ASB18: variants seen among roughly 807,000 people sequenced by gnomAD.
The protein encoded by ASB18 is ankyrin repeat and SOCS box protein 18.
Under a neutral mutation model 33.4 loss-of-function variants are expected in ASB18, and 33 were observed. The observed-to-expected ratio is 0.99, with a 90% CI of 0.75 to 1.32. The LOEUF (loss-of-function observed/expected upper bound fraction) is 1.32, where lower values mean the gene tolerates loss of function less well. Ranked by LOEUF, ASB18 falls within the 40% of genes most tolerant of loss-of-function variation. The pLI is 0.00. For missense variants in ASB18, 694 were observed against 655.5 expected (o/e 1.06, Z -0.64); for synonymous variants, 295 against 307.6 (o/e 0.96, Z 0.43).
rs920774061 is a variant in ASB18 at position 236,200,969 on chromosome 2, A to C, written c.1102-4584T>G. On this transcript the variant is annotated intron_variant, in intron 4 of 5. Transcript: ENST00000409749. The surrounding 1 kb of genome is among the most constrained non-coding windows in gnomAD (Gnocchi z 4.2). Reference sequence around the variant, plus strand: ...CTTAGGTATGTTTTGTTTGTCTTTCATGCTCCTTGGATTGACTGCTCAGTT... The same window carrying C: ...CTTAGGTATGTTTTGTTTGTCTTTCCTGCTCCTTGGATTGACTGCTCAGTT... Among the ~76,000 whole-genome samples the C allele has an allele frequency of 6.6e-6, 1 of 152,006 alleles. No homozygotes were observed. The highest frequency in any genetic ancestry group is 2.4e-5 in the African/African-American group (1 of 41,376).
In ASB18 at chr2:236,234,516, A is replaced by G. The variant is rs1401652617; in HGVS notation, c.596+3173T>C. Among the ~76,000 whole-genome samples the G allele has an allele frequency of 6.6e-6, 1 of 152,238 alleles. No homozygotes were observed. Among genetic ancestry groups the G allele is most frequent in the African/African-American group, 2.4e-5 (1 of 41,464 alleles). On this transcript the variant is annotated intron_variant, in intron 3 of 5. Transcript: ENST00000409749. The surrounding 1 kb of genome is among the most constrained non-coding windows in gnomAD (Gnocchi z 4.1). ...CTGGCTACTCTTCCTTTCACTCTTTATATAATAGAGTGGCTCCTCACGTCT... is the reference window on the plus strand; with the variant it reads ...CTGGCTACTCTTCCTTTCACTCTTTGTATAATAGAGTGGCTCCTCACGTCT...
rs1427004193 is a variant in ASB18, at chr2:236,259,018, T to C, written c.205+5123A>G. On this transcript the variant is annotated intron_variant, in intron 1 of 5. Transcript: ENST00000409749. This position sits in a 1 kb window ranked among gnomAD's most constrained non-coding sequence, Gnocchi z 4.4. ...CGTTTGATTACACCAGTTACCAAAT[T>C]GTACAGTTGATGCATTTGGGGGGCG... Among the ~76,000 whole-genome samples, 1 of 152,194 alleles carries C rather than the reference T, an allele frequency of 6.6e-6. No individual in the cohort carries two copies. The highest frequency in any genetic ancestry group is 1.5e-5 in the Non-Finnish European group (1 of 68,026).
At chr2:236,247,802 A>G (rs1576410680) in intron 1 of ASB18, 1 of 152,244 alleles carries the variant, frequency 6.6e-6, no homozygotes, top group African/African-American at 2.4e-5. Flanking sequence ...GTGATAAAAC[A>G]AAAGAAGGAC....
chr2:236,203,808 A>C lies in ASB18; in HGVS notation c.1102-7423T>G, dbSNP rs11679598. The stretch of plus-strand genomic sequence containing the variant: ...CTTGAGCCTGGAAGGTCGACGCTGC[A>C]GTGAGCTATGATTGCACTGCTGCAC... On this transcript the variant is annotated intron_variant, in intron 4 of 5. Coordinates refer to ENST00000409749, the MANE Select transcript of ASB18 (RefSeq NM_212556.4). The surrounding 1 kb of genome is among the most constrained non-coding windows in gnomAD (Gnocchi z 6.0). Among the ~76,000 whole-genome samples, 26,101 of 152,050 alleles carry C rather than the reference A, an allele frequency of 0.17. 2,251 individuals are homozygous for C. Among genetic ancestry groups the C allele is most frequent in the South Asian group, 0.25 (1,195 of 4,812 alleles).
In ASB18 at chr2:236,264,224, G is replaced by T; in HGVS notation, c.122C>A (p.Thr41Lys). 6.2e-7 allele frequency: 1 copy of T among 1,613,908 alleles called. No individual in the cohort carries two copies. Among genetic ancestry groups the T allele is most frequent in the Non-Finnish European group, 8.5e-7 (1 of 1,179,870 alleles). Reference protein sequence around the residue: ...RVRDLICTEITPVDAVIELAN... With the variant: ...RVRDLICTEIKPVDAVIELAN... Reference sequence around the variant, plus strand: ...CAGTTCTATCACAGCGTCCACAGGCGTGATTTCAGTGCAGATTAAATCCCT... The same window carrying T: ...CAGTTCTATCACAGCGTCCACAGGCTTGATTTCAGTGCAGATTAAATCCCT... Residue 41 changes from threonine (T) to lysine (K), a missense_variant, in exon 1 of 6, where the codon ACG becomes AAG. Thr to Lys is a moderately conservative substitution (Grantham distance 78). Transcript: ENST00000409749. The surrounding 1 kb of genome is among the most constrained non-coding windows in gnomAD (Gnocchi z 5.1).
intron 1 of ASB18, among the ~76,000 whole-genome samples, chr2:236,254,826 T>C (rs899104451): frequency 2.0e-5 from 3 of 152,098 alleles, no homozygotes; most frequent in Non-Finnish European, 4.4e-5. Flanking sequence ...ATGCCAATTA[T>C]CATTCCCAAT....
rs1254357620 is a variant in ASB18, at chr2:236,259,474, G to T, written c.205+4667C>A. ...AGCAAGGCCATGCACTTCCGTAATG[G>T]ATGGAGACTAAGGGCTTTATGCTTT... On this transcript the variant is annotated intron_variant, in intron 1 of 5. Transcript: ENST00000409749. The surrounding 1 kb of genome is among the most constrained non-coding windows in gnomAD (Gnocchi z 4.4). 1 of 469,554 alleles carries T rather than the reference G, an allele frequency of 2.1e-6. No homozygotes were observed. Among genetic ancestry groups the T allele is most frequent in the South Asian group, 1.6e-5 (1 of 64,400 alleles). 29.1% of individuals were successfully genotyped at this position (469,554 alleles called of 1,614,324 possible).
chr2:236,212,726 G>A (rs1266416254), intron 4 of ASB18, among the ~76,000 whole-genome samples: 1 of 152,114 alleles, frequency 6.6e-6, no homozygotes, highest in African/African-American at 2.4e-5. Flanking sequence ...CTGGGTTTAG[G>A]TAATCCTCCT....
Position 236,195,708 on chromosome 2 carries a change from C to T in ASB18, c.1215+564G>A, listed in dbSNP as rs547244719. Among the ~76,000 whole-genome samples the T allele has an allele frequency of 6.6e-6, 1 of 152,068 alleles. No homozygotes were observed. Among genetic ancestry groups the T allele is most frequent in the Non-Finnish European group, 1.5e-5 (1 of 68,032 alleles). Reference sequence around the variant, plus strand: ...TTTCTGTATTTTCAGTAAAGACAAGCTTTCACCATGTTGGCCAGTCTGGTC... The same window carrying T: ...TTTCTGTATTTTCAGTAAAGACAAGTTTTCACCATGTTGGCCAGTCTGGTC... On this transcript the variant is annotated intron_variant, in intron 5 of 5. Coordinates refer to ENST00000409749, the MANE Select transcript of ASB18 (RefSeq NM_212556.4). The surrounding 1 kb of genome is among the most constrained non-coding windows in gnomAD (Gnocchi z 5.5).
Position 236,237,995 on chromosome 2 carries a change from T to A in ASB18, c.329-39A>T, listed in dbSNP as rs1298680229. The A allele has an allele frequency of 1.4e-6, 2 of 1,407,514 alleles. No homozygotes were observed. The highest frequency in any genetic ancestry group is 1.8e-6 in the Non-Finnish European group (2 of 1,086,684). The allele number at this position is 1,407,514 out of a possible 1,614,324, so 87.2% of individuals were successfully genotyped here. On this transcript the variant is annotated intron_variant, in intron 2 of 5. Transcript: ENST00000409749. The surrounding 1 kb of genome is among the most constrained non-coding windows in gnomAD (Gnocchi z 6.2). ...GGTGGGATGTAAGGTCAGGGGGAGG[T>A]TAGTTGTGGTGGTGGTGGGCGGTGT...
In ASB18 at chr2:236,259,230, A is replaced by G. The variant is rs2060706963; in HGVS notation, c.205+4911T>C. Among the ~76,000 whole-genome samples the G allele has an allele frequency of 6.6e-6, 1 of 152,208 alleles. No individual in the cohort carries two copies. The highest frequency in any genetic ancestry group is 2.4e-5 in the African/African-American group (1 of 41,446). On this transcript the variant is annotated intron_variant, in intron 1 of 5. Coordinates refer to ENST00000409749, the MANE Select transcript of ASB18 (RefSeq NM_212556.4). This position sits in a 1 kb window ranked among gnomAD's most constrained non-coding sequence, Gnocchi z 4.4. ...TTTCTTTGCAGAAACCCAAATCCCAATAGTGTCTGTGGAAATGCAGTCTGT... is the reference window on the plus strand; with the variant it reads ...TTTCTTTGCAGAAACCCAAATCCCAGTAGTGTCTGTGGAAATGCAGTCTGT...
rs762467193 is a variant in ASB18, at chr2:236,244,401, G to A, written c.206-2999C>T. On this transcript the variant is annotated intron_variant, in intron 1 of 5. Coordinates refer to ENST00000409749, the MANE Select transcript of ASB18 (RefSeq NM_212556.4). This position sits in a 1 kb window ranked among gnomAD's most constrained non-coding sequence, Gnocchi z 6.1. ...CCCCATTTGCTCACAGCCAGTGTTA[G>A]ACCTGGGGACCCATGGGATCCCATC... is the stretch of plus-strand genomic sequence containing the variant. Among the ~76,000 whole-genome samples, 1 of 152,192 alleles carries A rather than the reference G, an allele frequency of 6.6e-6. No homozygotes were observed. Among genetic ancestry groups the A allele is most frequent in the Admixed American group, 6.5e-5 (1 of 15,278 alleles).
In ASB18 at chr2:236,223,444, A is replaced by T. The variant is rs1410831189; in HGVS notation, c.597-8578T>A. 6.6e-6 allele frequency among the ~76,000 whole-genome samples: 1 copy of T among 152,226 alleles called. No individual in the cohort carries two copies. The highest frequency in any genetic ancestry group is 1.5e-5 in the Non-Finnish European group (1 of 68,038). On this transcript the variant is annotated intron_variant, in intron 3 of 5. Coordinates refer to ENST00000409749, the MANE Select transcript of ASB18 (RefSeq NM_212556.4). This position sits in a 1 kb window ranked among gnomAD's most constrained non-coding sequence, Gnocchi z 4.6. ...GAGGAAATGGAAAAGAAAAGACTCT[A>T]TTAGCTTCTTAGACAGGGATAGGGG... is the stretch of plus-strand genomic sequence containing the variant.
Position 236,241,508 on chromosome 2 carries a change from G to A in ASB18, c.206-106C>T, listed in dbSNP as rs147784501. 4.1e-5 allele frequency: 56 copies of A among 1,372,508 alleles called. No individual in the cohort carries two copies. In the East Asian group the frequency reaches 1.2e-3, roughly 30 times the overall value. 85.0% of individuals were successfully genotyped at this position (1,372,508 alleles called of 1,614,324 possible). On this transcript the variant is annotated intron_variant, in intron 1 of 5. Transcript: ENST00000409749. This position sits in a 1 kb window ranked among gnomAD's most constrained non-coding sequence, Gnocchi z 4.2. ...TGAAGTTTTCCTCTCACTGGCCCTG[G>A]CTGTCTCTCCATTGAGATGCCGTCG...
At chr2:236,242,520 A>G (rs932768010) in intron 1 of ASB18, among the ~76,000 whole-genome samples, 10 of 152,262 alleles carry the variant, frequency 6.6e-5, no homozygotes, top group Admixed American at 5.2e-4. Context: ...ATAATATTTC[A>G]TGATACTCAC....
rs866570116 is a variant in ASB18 at position 236,203,522 on chromosome 2, C to A, written c.1102-7137G>T. On this transcript the variant is annotated intron_variant, in intron 4 of 5. Coordinates refer to ENST00000409749, the MANE Select transcript of ASB18 (RefSeq NM_212556.4). This position sits in a 1 kb window ranked among gnomAD's most constrained non-coding sequence, Gnocchi z 6.0. ...CTGAGAAGGAGGCTGGCACAGGGAG[C>A]ACTTGCCAGGTATGAGTGGAGGAGA... is the stretch of plus-strand genomic sequence containing the variant. Among the ~76,000 whole-genome samples the A allele has an allele frequency of 2.4e-4, 37 of 152,200 alleles. No homozygotes were observed. The highest frequency in any genetic ancestry group is 8.5e-4 in the Admixed American group (13 of 15,284).
rs1015928194 is a variant in ASB18, at chr2:236,195,703, A to C, written c.1215+569T>G. On this transcript the variant is annotated intron_variant, in intron 5 of 5. Transcript: ENST00000409749. The surrounding 1 kb of genome is among the most constrained non-coding windows in gnomAD (Gnocchi z 5.5). ...GGTAATTTCTGTATTTTCAGTAAAG[A>C]CAAGCTTTCACCATGTTGGCCAGTC... Among the ~76,000 whole-genome samples, 1 of 152,088 alleles carries C rather than the reference A, an allele frequency of 6.6e-6. No homozygotes were observed. Among genetic ancestry groups the C allele is most frequent in the Non-Finnish European group, 1.5e-5 (1 of 68,028 alleles).
In ASB18 at chr2:236,262,353, G is replaced by A. The variant is rs2060722767; in HGVS notation, c.205+1788C>T. ...GGGCTACAGGAGACCACTTACAGGT[G>A]GCAGCAGCCACAGCGGATGGCCATT... On this transcript the variant is annotated intron_variant, in intron 1 of 5. Coordinates refer to ENST00000409749, the MANE Select transcript of ASB18 (RefSeq NM_212556.4). This position sits in a 1 kb window ranked among gnomAD's most constrained non-coding sequence, Gnocchi z 5.2. Among the ~76,000 whole-genome samples, 1 of 152,208 alleles carries A rather than the reference G, an allele frequency of 6.6e-6. No homozygotes were observed. Among genetic ancestry groups the A allele is most frequent in the South Asian group, 2.1e-4 (1 of 4,834 alleles).
At position 236,251,256 on chromosome 2, in the gene ASB18, C is replaced by T. The variant is rs914796052; in HGVS notation, c.206-9854G>A. Among the ~76,000 whole-genome samples the T allele has an allele frequency of 2.0e-5, 3 of 152,190 alleles. No homozygotes were observed. Among genetic ancestry groups the T allele is most frequent in the South Asian group, 2.1e-4 (1 of 4,830 alleles). ...CGCTGTGGATGAGTGCAAAACACAG[C>T]GGCCCAATCCTCAGCGTGCACAACC... On this transcript the variant is annotated intron_variant, in intron 1 of 5. Transcript: ENST00000409749. The surrounding 1 kb of genome is among the most constrained non-coding windows in gnomAD (Gnocchi z 5.3).
Sources: gnomAD v4.1 joint callset for allele counts (sites outside exome capture counted in the v4.1 genomes callset) on GRCh38, gnomAD v4.1.1 for gene constraint, Gnocchi (gnomAD v3.1) non-coding constraint, MANE v1.5 for transcripts, NCBI Gene and HGNC (gene_info 2026-07-23, HGNC 2026-07-21) for gene names.